Variants in PCDHGA8 observed in about 807,000 individuals in gnomAD.
The protein encoded by PCDHGA8 is protocadherin gamma-A8.
In PCDHGA8, 45 loss-of-function variants were observed where a neutral mutation model predicts 59.2. The ratio of observed to expected loss-of-function variants is 0.76; its 90% CI spans 0.60 to 0.98. The LOEUF (loss-of-function observed/expected upper bound fraction) is 0.98, where lower values mean the gene tolerates loss of function less well. Ranked by LOEUF, PCDHGA8 falls within the 50% of genes least tolerant of loss-of-function variation. The pLI is 0.00. For synonymous variants in PCDHGA8, 531 were observed against 519.0 expected, an observed-to-expected ratio of 1.02 and a Z score of -0.32; for missense variants, 1,257 against 1,196.2, an observed-to-expected ratio of 1.05 and a Z score of -0.75.
chr5:141,430,619 A>G lies in PCDHGA8; in HGVS notation c.2424+35382A>G, dbSNP rs192473783. ...CGCCTGAAGCACAAAGCAGATAGCT[A>G]GGAATGAACCATCCCTGGGAGTATG... On this transcript the variant is annotated intron_variant, in intron 1 of 3. Coordinates refer to ENST00000398604, the MANE Select transcript of PCDHGA8 (RefSeq NM_032088.2). 9.4e-5 allele frequency: 68 copies of G among 720,190 alleles called. 1 individual carries two copies. The African/African-American group carries it at 1.1e-3, about 12-fold the overall frequency. 44.6% of individuals were successfully genotyped at this position (720,190 alleles called of 1,614,324 possible). A position where few individuals can be genotyped will look rare whatever the true frequency, so the allele number is the denominator to read the frequency against.
chr5:141,420,187 C>T (rs1369031488), intron 1 of PCDHGA8: 7 of 1,613,824 alleles, frequency 4.3e-6, no homozygotes, highest in Non-Finnish European at 5.9e-6. Context: ...ATTGTCCAGC[C>T]ACACAAGATA....
rs374229757 is a variant in PCDHGA8, at chr5:141,491,437, C to T, written c.2425-3370C>T. 4 of 1,613,978 alleles carry T rather than the reference C, an allele frequency of 2.5e-6. No homozygotes were observed. Among genetic ancestry groups the T allele is most frequent in the Admixed American group, 3.3e-5 (2 of 60,004 alleles). ...CGGGGGTGGAGGGCAGTGCTGCAGG[C>T]GCCAGGACTCACCCTCCCCGGACTT... On this transcript the variant is annotated intron_variant, in intron 1 of 3. Coordinates refer to ENST00000398604, the MANE Select transcript of PCDHGA8 (RefSeq NM_032088.2). This position sits in a 1 kb window ranked among gnomAD's most constrained non-coding sequence, Gnocchi z 6.9.
intron 3 of PCDHGA8, among the ~76,000 whole-genome samples, chr5:141,505,976 A>G (rs911235674): frequency 1.3e-5 from 2 of 152,136 alleles, no homozygotes; most frequent in Admixed American, 1.3e-4. Context: ...CCCAGCCGAG[A>G]GAACACCTCC....
intron 1 of PCDHGA8, chr5:141,442,421 T>G (rs1288481455): frequency 1.3e-5 from 2 of 152,290 alleles, no homozygotes; most frequent in East Asian, 3.9e-4. Flanking sequence ...TGAACTTCTT[T>G]TTTGAATCCC....
At chr5:141,425,827 T>C (rs2096896512) in intron 1 of PCDHGA8, among the ~76,000 whole-genome samples, 1 of 152,226 alleles carries the variant, frequency 6.6e-6, no homozygotes, top group South Asian at 2.1e-4. Context: ...AAACAAACTT[T>C]TAAATTCTCT....
intron 1 of PCDHGA8, among the ~76,000 whole-genome samples, chr5:141,454,701 C>G (rs1182969868): frequency 6.6e-6 from 1 of 151,760 alleles, no homozygotes; most frequent in Non-Finnish European, 1.5e-5. Context: ...CCACCATGCT[C>G]CACCTGCTTA....
intron 1 of PCDHGA8, chr5:141,441,637 C>T (rs1200679247): frequency 4.4e-6 from 1 of 228,574 alleles, no homozygotes; most frequent in South Asian, 4.8e-5. Context: ...GAGCCACAGG[C>T]GCTGTGATTC....
At position 141,489,646 on chromosome 5, in the gene PCDHGA8, C is replaced by A. The variant is rs1274955075; in HGVS notation, c.2425-5161C>A. 1.2e-6 allele frequency: 2 copies of A among 1,614,186 alleles called. No homozygotes were observed. The highest frequency in any genetic ancestry group is 2.7e-5 in the African/African-American group (2 of 75,048). On this transcript the variant is annotated intron_variant, in intron 1 of 3. Coordinates refer to ENST00000398604, the MANE Select transcript of PCDHGA8 (RefSeq NM_032088.2). This position sits in a 1 kb window ranked among gnomAD's most constrained non-coding sequence, Gnocchi z 4.5. Reference sequence around the variant, plus strand: ...TGACAACTCTCCTAGCTTTGCCACCCCTGAGCGAGAGATGCGCATCTCAGA... The same window carrying A: ...TGACAACTCTCCTAGCTTTGCCACCACTGAGCGAGAGATGCGCATCTCAGA...
chr5:141,428,061 G>A (rs755817800), intron 1 of PCDHGA8: 1 of 1,609,154 alleles, frequency 6.2e-7, no homozygotes, highest in South Asian at 1.1e-5. Flanking sequence ...GGTGGCGGTG[G>A]ACGCAGATTC....
At position 141,404,170 on chromosome 5, in the gene PCDHGA8, G is replaced by A. The variant is rs73279089; in HGVS notation, c.2424+8933G>A. 22 of 1,612,630 alleles carry A rather than the reference G, an allele frequency of 1.4e-5. No individual in the cohort carries two copies. In the East Asian group the frequency reaches 1.8e-4, roughly 13 times the overall value. On this transcript the variant is annotated intron_variant, in intron 1 of 3. Coordinates refer to ENST00000398604, the MANE Select transcript of PCDHGA8 (RefSeq NM_032088.2). ...AAGAAGATTATTACAGATTGTTGACGGCCCAAATTCTTGACCGAGAAAAAG... is the reference window on the plus strand; with the variant it reads ...AAGAAGATTATTACAGATTGTTGACAGCCCAAATTCTTGACCGAGAAAAAG...
At chr5:141,502,512 T>C (rs1029375922) in intron 2 of PCDHGA8, among the ~76,000 whole-genome samples, 2 of 152,212 alleles carry the variant, frequency 1.3e-5, no homozygotes, top group East Asian at 1.9e-4. Context: ...CCTGTCCCAC[T>C]ATCAGTGATG....
In PCDHGA8 at chr5:141,394,778, C is replaced by T. The variant is rs377451053; in HGVS notation, c.1965C>T (p.Ser655=). ...AGGACCATGGCCAGCCCCCTCTCTC[C>T]GCCACTGTCACGCTCACCGTAGCCG... The part of the protein sequence containing the change: ...AVQDHGQPPL[S]ATVTLTVAVA... The change falls in exon 1 of 4, where the codon TCC becomes TCT. Residue 655 remains serine, a synonymous_variant. Transcript: ENST00000398604. 8 of 1,613,514 alleles carry T rather than the reference C, an allele frequency of 5.0e-6. No individual in the cohort carries two copies. In the South Asian group the frequency reaches 7.7e-5, roughly 15 times the overall value.
chr5:141,435,334 T>A (rs1223377462), intron 1 of PCDHGA8, among the ~76,000 whole-genome samples: 1 of 152,196 alleles, frequency 6.6e-6, no homozygotes, highest in African/African-American at 2.4e-5. Flanking sequence ...ATATAGTGAA[T>A]TTATTTCTTC....
At chr5:141,427,416 G>T (rs1457696807) in intron 1 of PCDHGA8, 2 of 466,124 alleles carry the variant, frequency 4.3e-6, no homozygotes, top group South Asian at 3.1e-5. Flanking sequence ...GAGAGAAAAT[G>T]GGGAGGTTAC....
chr5:141,405,191 C>T (rs573277021), intron 1 of PCDHGA8: 28 of 1,612,832 alleles, frequency 1.7e-5, no homozygotes, highest in South Asian at 1.6e-4. Context: ...AGATGGGGTT[C>T]GAGCTTTCCT....
chr5:141,431,376 CT>C lies in PCDHGA8; in HGVS notation c.2424+36140del. The C allele has an allele frequency of 1.2e-6, 2 of 1,613,436 alleles. No individual in the cohort carries two copies. The highest frequency in any genetic ancestry group is 1.7e-6 in the Non-Finnish European group (2 of 1,179,562). On this transcript the variant is annotated intron_variant, in intron 1 of 3. Transcript: ENST00000398604. This position sits in a 1 kb window ranked among gnomAD's most constrained non-coding sequence, Gnocchi z 4.8. ...CGCGCCCTGGACCGCGAAGAAAAGG[CT>C]GCTCACCACCTGGTCCTTACGGCCT...
At chr5:141,415,754 T>C in intron 1 of PCDHGA8, 3 of 1,385,738 alleles carry the variant, frequency 2.2e-6, no homozygotes, top group South Asian at 1.7e-5. Context: ...TTTTTTTTTT[T>C]TTTTTTTTTT....
chr5:141,400,591 C>A, intron 1 of PCDHGA8: 1 of 1,602,976 alleles, frequency 6.2e-7, no homozygotes, highest in Non-Finnish European at 8.5e-7. Flanking sequence ...ATGAAACTAT[C>A]GTACATTTTC....
At chr5:141,421,582 G>A (rs531591776) in intron 1 of PCDHGA8, 4 of 1,613,874 alleles carry the variant, frequency 2.5e-6, no homozygotes, top group Non-Finnish European at 2.5e-6. Flanking sequence ...GAAGATTTAC[G>A]GAGTGGAGGT....
Sources: gnomAD v4.1 joint callset for allele counts (sites outside exome capture counted in the v4.1 genomes callset) on GRCh38, gnomAD v4.1.1 for gene constraint, Gnocchi (gnomAD v3.1) non-coding constraint, MANE v1.5 for transcripts, NCBI Gene and HGNC (gene_info 2026-07-23, HGNC 2026-07-21) for gene names.